Variants in WDR35 observed in about 807,000 individuals in gnomAD.
WDR35 encodes WD repeat-containing protein 35.
Under a neutral mutation model 158.3 loss-of-function variants are expected in WDR35, and 118 were observed. The observed-to-expected ratio is 0.75, with a 90% CI of 0.64 to 0.87. The LOEUF (loss-of-function observed/expected upper bound fraction) is 0.87. Ranked by LOEUF, WDR35 falls within the 40% of genes least tolerant of loss-of-function variation. The pLI, the probability that WDR35 is intolerant of heterozygous loss-of-function variation, is 0.00. For missense variants in WDR35, 1,263 were observed against 1,405.8 expected (o/e 0.90, Z 1.62); for synonymous variants, 448 against 476.1 (o/e 0.94, Z 0.77).
intron 17 of WDR35, among the ~76,000 whole-genome samples, chr2:19,938,983 A>G (rs1480868839): frequency 6.6e-6 from 1 of 152,224 alleles, no homozygotes; most frequent in African/African-American, 2.4e-5. Context: ...ACTTTAGGTA[A>G]ATCATTTTAC....
At chr2:19,959,767 T>G (rs986149553) in intron 11 of WDR35, among the ~76,000 whole-genome samples, 3 of 152,034 alleles carry the variant, frequency 2.0e-5, no homozygotes, top group Non-Finnish European at 4.4e-5. Flanking sequence ...AAATGACTAG[T>G]TCTCAGGTTC....
intron 12 of WDR35, 56 bp from the exon 13 acceptor site, chr2:19,951,540 T>C (rs538654772): frequency 2.9e-6 from 4 of 1,361,588 alleles, no homozygotes; most frequent in Non-Finnish European, 4.1e-6. Flanking sequence ...TACTATTTCA[T>C]AATCTCTAGA....
At chr2:19,974,219 G>A (rs1558355847) in intron 7 of WDR35, among the ~76,000 whole-genome samples, 2 of 152,018 alleles carry the variant, frequency 1.3e-5, no homozygotes, top group Non-Finnish European at 2.9e-5. Context: ...GACTATCCTG[G>A]CTAACAGGGT....
intron 10 of WDR35, chr2:19,962,164 T>C (rs1227126988): frequency 1.1e-6 from 1 of 906,720 alleles, no homozygotes; most frequent in African/African-American, 1.7e-5. Context: ...TTTTTATTTT[T>C]ATCTGTTAAT....
rs772972602 is a variant in WDR35, at chr2:19,914,101, C to A, written c.3298G>T (p.Glu1100Ter). 3 of 1,614,130 alleles carry A rather than the reference C, an allele frequency of 1.9e-6. No homozygotes were observed. Among genetic ancestry groups the A allele is most frequent in the Non-Finnish European group, 2.5e-6 (3 of 1,180,004 alleles). ...TTTGAAGTATGTTTGGTGAAGATTT[C>A]TAAAGCAAGGTCTTCATACTGCTGT... ...QKQQYEDLALEIFTKHTSKDN... is the reference protein window; with the variant it reads ...QKQQYEDLAL The change falls in exon 26 of 27, where the codon GAA (glutamate) becomes TAA (stop). Residue 1100 changes from glutamate (E) to a stop codon, truncating the protein, a stop_gained. Coordinates refer to ENST00000281405, the MANE Select transcript of WDR35 (RefSeq NM_020779.4). LOFTEE classifies it high-confidence loss of function.
At chr2:19,971,754 C>T (rs1207167615) in intron 8 of WDR35, among the ~76,000 whole-genome samples, 1 of 152,092 alleles carries the variant, frequency 6.6e-6, no homozygotes, top group Non-Finnish European at 1.5e-5. Flanking sequence ...TTGACCCATC[C>T]ATAAGAGGAG....
In WDR35 at chr2:19,982,536, TAAAAC is replaced by T. The variant is rs776995010; in HGVS notation, c.143-7_143-3del. The T allele has an allele frequency of 2.6e-5, 42 of 1,613,338 alleles. No homozygotes were observed. The highest frequency in any genetic ancestry group is 3.4e-5 in the Non-Finnish European group (40 of 1,179,744). ...CAAGGCCCCTCAATTTTGCATCATC[TAAAAC>T]AAAACAAAACAAACTACTATGATAA... On this transcript the variant is annotated splice_region_variant and splice_polypyrimidine_tract_variant and intron_variant, in intron 2 of 26. Transcript: ENST00000281405.
chr2:19,980,933 T>C lies in WDR35; in HGVS notation c.215-150A>G, dbSNP rs368224143. On this transcript the variant is annotated intron_variant, in intron 3 of 26. Coordinates refer to ENST00000281405, the MANE Select transcript of WDR35 (RefSeq NM_020779.4). ...TATTCCTCAAAACCTATTCATAAGA[T>C]GCAGTTATTGATATCACTAATTTTC... 7.3e-6 allele frequency: 5 copies of C among 688,662 alleles called. No homozygotes were observed. The East Asian group carries it at 1.1e-4, about 15-fold the overall frequency. The allele number at this position is 688,662 out of a possible 1,614,324, so 42.7% of individuals were successfully genotyped here.
chr2:19,916,794 G>A (rs1670004747), intron 25 of WDR35, among the ~76,000 whole-genome samples: 1 of 152,174 alleles, frequency 6.6e-6, no homozygotes, highest in South Asian at 2.1e-4. Flanking sequence ...GTGGTTATGG[G>A]CGCAGCTCCA....
At chr2:19,930,637 T>A (rs1670497953) in intron 24 of WDR35, 85 bp from the exon 25 acceptor site, 1 of 1,571,488 alleles carries the variant, frequency 6.4e-7, no homozygotes, top group Non-Finnish European at 8.7e-7. Flanking sequence ...CATTAAAGTA[T>A]CTAAATGAGC....
intron 25 of WDR35, among the ~76,000 whole-genome samples, chr2:19,923,000 C>A (rs1670226701): frequency 6.6e-6 from 1 of 152,226 alleles, no homozygotes; most frequent in Admixed American, 6.5e-5. Flanking sequence ...AGATAACTAG[C>A]CAGACCCATC....
intron 16 of WDR35, among the ~76,000 whole-genome samples, 197 bp from the exon 17 acceptor site, chr2:19,942,036 A>G (rs985536776): frequency 1.2e-4 from 19 of 152,194 alleles, no homozygotes; most frequent in Admixed American, 2.6e-4. Flanking sequence ...AAGTATTGTA[A>G]AGTAAATACA....
rs1672333221 is a variant in WDR35 at position 19,979,952 on chromosome 2, GGCC to G, written c.307+736_307+738del. Among the ~76,000 whole-genome samples the G allele has an allele frequency of 3.9e-5, 6 of 152,186 alleles. No homozygotes were observed. The South Asian group carries it at 1.2e-3, about 32-fold the overall frequency. The stretch of plus-strand genomic sequence containing the variant: ...TTCCCTTTTGAAGATGATAACTACA[GGCC>G]TCAGGAGAACATGTATTATGAGCTG... On this transcript the variant is annotated intron_variant, in intron 4 of 26. Coordinates refer to ENST00000281405, the MANE Select transcript of WDR35 (RefSeq NM_020779.4).
At chr2:19,947,423 T>A (rs1671094097) in intron 14 of WDR35, among the ~76,000 whole-genome samples, 1 of 152,218 alleles carries the variant, frequency 6.6e-6, no homozygotes, top group Non-Finnish European at 1.5e-5. Context: ...AACTAGAATA[T>A]ATACTATTAA....
chr2:19,928,594 T>C (rs1670430353), intron 25 of WDR35, among the ~76,000 whole-genome samples: 1 of 152,182 alleles, frequency 6.6e-6, no homozygotes, highest in Non-Finnish European at 1.5e-5. Flanking sequence ...ATAATAAACA[T>C]AATATTTAAC....
At chr2:19,946,351 CAAG>C in intron 15 of WDR35, 107 bp downstream of exon 15, 1 of 958,126 alleles carries the variant, frequency 1.0e-6, no homozygotes, top group South Asian at 1.3e-5. Context: ...AATTTTAAGA[CAAG>C]TTCATAATAG....
At chr2:19,935,245 G>T in intron 21 of WDR35, 1 of 387,120 alleles carries the variant, frequency 2.6e-6, no homozygotes, top group Non-Finnish European at 4.5e-6. Context: ...ACAAGACTGT[G>T]ATCATATTAA....
intron 13 of WDR35, among the ~76,000 whole-genome samples, chr2:19,948,514 G>A (rs1671130528): frequency 6.6e-6 from 1 of 152,114 alleles, no homozygotes; most frequent in African/African-American, 2.4e-5. Flanking sequence ...ACAGTGCAGA[G>A]AAAGGAGTAC....
chr2:19,951,263 G>C (rs929418577), intron 13 of WDR35, 152 bp downstream of exon 13: 2 of 694,442 alleles, frequency 2.9e-6, no homozygotes, highest in Non-Finnish European at 4.7e-6. Context: ...TTAAGATCTA[G>C]GAAAAAGTTT....
Sources: allele counts gnomAD v4.1 joint callset (sites outside exome capture counted in the v4.1 genomes callset), GRCh38; gene constraint gnomAD v4.1.1; transcripts MANE v1.5; gene names NCBI Gene and HGNC (gene_info 2026-07-23, HGNC 2026-07-21).